The following UBE2J2 variants were observed in gnomAD, a reference collection of about 807,000 sequenced individuals.
UBE2J2 encodes ubiquitin-conjugating enzyme E2 J2.
Under a neutral mutation model 28.6 loss-of-function variants are expected in UBE2J2, and 5 were observed. The observed-to-expected ratio is 0.17, with a 90% confidence interval of 0.09 to 0.37. UBE2J2 has a LOEUF of 0.37. UBE2J2 is among the 10% of genes least tolerant of loss of function. The pLI is 1.00. For missense variants in UBE2J2, 226 were observed against 338.9 expected (o/e 0.67, Z 2.62); for synonymous variants, 138 against 139.7 (o/e 0.99, Z 0.09).
intron 2 of UBE2J2, among the ~76,000 whole-genome samples, chr1:1,264,032 G>A (rs1361271746): frequency 6.6e-6 from 1 of 152,162 alleles, no homozygotes; most frequent in Non-Finnish European, 1.5e-5. Flanking sequence ...ATTCTTAAAT[G>A]TACTTATATA....
At chr1:1,266,020 G>A (rs1477366402) in intron 2 of UBE2J2, 11 of 1,292,498 alleles carry the variant, frequency 8.5e-6, no homozygotes, top group Non-Finnish European at 2.0e-6. Context: ...CAGATTTGTG[G>A]GGAGGGATTT....
chr1:1,259,726 C>T (rs1054247832), intron 3 of UBE2J2, among the ~76,000 whole-genome samples: 6 of 152,278 alleles, frequency 3.9e-5, no homozygotes, highest in African/African-American at 1.2e-4. Flanking sequence ...CATGTCCCCA[C>T]GGACCCCACG....
chr1:1,262,046 G>A (rs1330751657), intron 3 of UBE2J2: 3 of 250,510 alleles, frequency 1.2e-5, no homozygotes, highest in Non-Finnish European at 1.6e-5. Flanking sequence ...TAGTAGAGAT[G>A]GGGTTTCTCC....
At chr1:1,272,746 TA>T in intron 1 of UBE2J2, 1 of 169,022 alleles carries the variant, frequency 5.9e-6, no homozygotes. Flanking sequence ...GTGGAACTGC[TA>T]AGGAGGTCAG....
chr1:1,267,900 G>A lies in UBE2J2; in HGVS notation c.93C>T (p.Tyr31=). 4.3e-6 allele frequency: 7 copies of A among 1,614,130 alleles called. No individual in the cohort carries two copies. Among genetic ancestry groups the A allele is most frequent in the Non-Finnish European group, 5.9e-6 (7 of 1,179,982 alleles). Residue 31 remains tyrosine, a synonymous_variant, in exon 2 of 7, where the codon TAC becomes TAT. Coordinates refer to ENST00000349431, the MANE Select transcript of UBE2J2 (RefSeq NM_058167.3). The stretch of plus-strand genomic sequence containing the variant: ...TCGAAGGGAGGGGCTCGGCACAGAT[G>A]TAAGGCACCGGGTCTTTCTTAATGC... ...YLRIKKDPVP[Y]ICAEPLPSNI... is the part of the protein sequence containing the mutation.
At chr1:1,273,152 T>C (rs917492244) in intron 1 of UBE2J2, 1 of 152,030 alleles carries the variant, frequency 6.6e-6, no homozygotes, top group Non-Finnish European at 1.5e-5. Flanking sequence ...CCGGCGCCGC[T>C]TAGAGACTTG....
chr1:1,257,095 G>A lies in UBE2J2; in HGVS notation c.311C>T (p.Thr104Met), dbSNP rs1219272784. 2.1e-5 allele frequency: 34 copies of A among 1,612,980 alleles called. No individual in the cohort carries two copies. Among genetic ancestry groups the A allele is most frequent in the Non-Finnish European group, 2.9e-5 (34 of 1,179,556 alleles). ...GGAGACAGACCAGGCCGGGTTCCAC[G>A]TGTCCGGGTGGAAATCCGTGATAGA... Reference protein sequence around the residue: ...CLSITDFHPDTWNPAWSVSTI... With the variant: ...CLSITDFHPDMWNPAWSVSTI... Residue 104 changes from threonine (T) to methionine (M), a missense_variant, in exon 5 of 7, where the codon ACG becomes ATG. Physicochemically the swap from Thr to Met is moderately conservative, Grantham distance 81. This residue lies in a region of UBE2J2 where 13 missense variants were observed against 63.0 expected (regional missense o/e 0.21). Coordinates refer to ENST00000349431, the MANE Select transcript of UBE2J2 (RefSeq NM_058167.3).
At position 1,256,941 on chromosome 1, in the gene UBE2J2, C is replaced by A. The variant is rs369133016; in HGVS notation, c.414+51G>T. On this transcript the variant is annotated intron_variant, in intron 5 of 6. Transcript: ENST00000349431. ...GCTGCAACTCAGGAACAGAGAACAG[C>A]CCCCCAGACACAAGGCTGACGGCCC... 1.9e-4 allele frequency: 259 copies of A among 1,375,660 alleles called. 2 individuals carry two copies. Among genetic ancestry groups the A allele is most frequent in the Middle Eastern group, 5.5e-4 (2 of 3,652 alleles). 85.2% of individuals were successfully genotyped at this position (1,375,660 alleles called of 1,614,324 possible).
At chr1:1,265,587 G>C (rs1639804900) in intron 2 of UBE2J2, among the ~76,000 whole-genome samples, 1 of 147,178 alleles carries the variant, frequency 6.8e-6, no homozygotes, top group Non-Finnish European at 1.5e-5. Context: ...GTGTGTGTGT[G>C]TGTGTTTTCT....
At chr1:1,259,931 T>C (rs928790537) in intron 3 of UBE2J2, among the ~76,000 whole-genome samples, 11 of 152,228 alleles carry the variant, frequency 7.2e-5, no homozygotes, top group African/African-American at 2.2e-4. Context: ...CCTCCCTGCA[T>C]GTGTGGCCTC....
rs138672560 is a variant in UBE2J2, at chr1:1,261,943, C to T, written c.172+1403G>A. Among the ~76,000 whole-genome samples the T allele has an allele frequency of 5.1e-4, 77 of 152,262 alleles. 2 individuals carry two copies. Among genetic ancestry groups the T allele is most frequent in the African/African-American group, 1.8e-3 (75 of 41,530 alleles). ...CACGACCTCGGCTCACTGCAACCTCCGCCTCCCGGGTTCAAGTGATTCTCC... is the reference window on the plus strand; with the variant it reads ...CACGACCTCGGCTCACTGCAACCTCTGCCTCCCGGGTTCAAGTGATTCTCC... On this transcript the variant is annotated intron_variant, in intron 3 of 6. Transcript: ENST00000349431.
chr1:1,264,383 C>G (rs564505457), intron 2 of UBE2J2, among the ~76,000 whole-genome samples: 1 of 152,314 alleles, frequency 6.6e-6, no homozygotes, highest in South Asian at 2.1e-4. Context: ...GCTAGAAATG[C>G]CAGAAACCAG....
intron 3 of UBE2J2, among the ~76,000 whole-genome samples, chr1:1,258,967 G>A (rs1434356117): frequency 1.3e-5 from 2 of 152,240 alleles, no homozygotes; most frequent in African/African-American, 4.8e-5. Context: ...AGGACTCCCT[G>A]GCCACACCTG....
At chr1:1,272,046 C>T (rs919187942) in intron 1 of UBE2J2, among the ~76,000 whole-genome samples, 1 of 147,558 alleles carries the variant, frequency 6.8e-6, no homozygotes, top group South Asian at 2.2e-4. Flanking sequence ...CCCAGCTACT[C>T]TGGAGGCTGA....
At chr1:1,270,611 C>T (rs533357070) in intron 1 of UBE2J2, among the ~76,000 whole-genome samples, 1 of 152,304 alleles carries the variant, frequency 6.6e-6, no homozygotes, top group East Asian at 1.9e-4. Flanking sequence ...CTCCCATCAA[C>T]ACCACAGGAG....
At chr1:1,258,977 G>A (rs1328831168) in intron 3 of UBE2J2, among the ~76,000 whole-genome samples, 1 of 152,264 alleles carries the variant, frequency 6.6e-6, no homozygotes, top group Admixed American at 6.5e-5. Flanking sequence ...GGCCACACCT[G>A]CATGCGTTGA....
chr1:1,272,385 AG>A (rs1156839696), intron 1 of UBE2J2, among the ~76,000 whole-genome samples: 1 of 152,230 alleles, frequency 6.6e-6, no homozygotes, highest in Admixed American at 6.5e-5. Flanking sequence ...GTGCTGAGGC[AG>A]TGGCTGCCCA....
chr1:1,256,698 G>C (rs375473523), intron 5 of UBE2J2, among the ~76,000 whole-genome samples: 11 of 151,920 alleles, frequency 7.2e-5, no homozygotes, highest in African/African-American at 2.4e-4. Context: ...TGGTTAACAC[G>C]GTGAAACCCC....
At chr1:1,263,995 G>C (rs1639707521) in intron 2 of UBE2J2, among the ~76,000 whole-genome samples, 1 of 152,078 alleles carries the variant, frequency 6.6e-6, no homozygotes, top group African/African-American at 2.4e-5. Context: ...TATCTCCAAA[G>C]AAAAAACGAT....
Sources: allele counts gnomAD v4.1 joint callset (sites outside exome capture counted in the v4.1 genomes callset), GRCh38; gene constraint gnomAD v4.1.1; regional missense constraint gnomAD v4.1.1; transcripts MANE v1.5; gene names NCBI Gene and HGNC (gene_info 2026-07-23, HGNC 2026-07-21).